LRRC28: variants seen among roughly 807,000 people sequenced by gnomAD.
LRRC28 encodes the protein leucine-rich repeat-containing protein 28.
In LRRC28, 39 loss-of-function variants were observed where a neutral mutation model predicts 45.7. The ratio of observed to expected loss-of-function variants is 0.85; its 90% CI spans 0.66 to 1.12. The LOEUF is 1.12. Among genes scored for constraint, LRRC28 ranks in the 50% most tolerant of loss-of-function variants. The pLI is 0.00. For missense variants in LRRC28, 435 were observed against 438.5 expected, an observed-to-expected ratio of 0.99 and a Z score of 0.07; for synonymous variants, 206 against 178.8, an observed-to-expected ratio of 1.15 and a Z score of -1.22.
chr15:99,290,942 T>A (rs1408100176), intron 5 of LRRC28, among the ~76,000 whole-genome samples: 2 of 152,192 alleles, frequency 1.3e-5, no homozygotes, highest in Non-Finnish European at 2.9e-5. Context: ...CACTCCAGCC[T>A]GGACAGCGGA....
intron 2 of LRRC28, among the ~76,000 whole-genome samples, chr15:99,268,956 T>C (rs1343984315): frequency 6.6e-6 from 1 of 152,240 alleles, no homozygotes; most frequent in Non-Finnish European, 1.5e-5. Context: ...GATAAACACT[T>C]CAAGAGGCAT....
At chr15:99,348,629 G>A (rs1019925875) in intron 6 of LRRC28, among the ~76,000 whole-genome samples, 30 of 151,892 alleles carry the variant, frequency 2.0e-4, no homozygotes, top group Non-Finnish European at 7.4e-5. Flanking sequence ...TTTTTATGCC[G>A]CATCATAGTG....
At chr15:99,284,037 A>T (rs2081887522) in intron 3 of LRRC28, among the ~76,000 whole-genome samples, 1 of 152,264 alleles carries the variant, frequency 6.6e-6, no homozygotes, top group South Asian at 2.1e-4. Flanking sequence ...TAGTCCCTGC[A>T]ACATCACAGA....
intron 5 of LRRC28, among the ~76,000 whole-genome samples, chr15:99,330,788 TC>T (rs1197267899): frequency 6.6e-6 from 1 of 152,138 alleles, no homozygotes; most frequent in Non-Finnish European, 1.5e-5. Context: ...TGTATTTTTT[TC>T]CCCATACCTC....
intron 3 of LRRC28, among the ~76,000 whole-genome samples, chr15:99,283,594 C>T (rs368996892): frequency 1.9e-4 from 23 of 123,518 alleles, no homozygotes; most frequent in African/African-American, 4.1e-4. Context: ...CTAGCCTGGA[C>T]GACAGAGGGA....
chr15:99,287,954 A>G lies in LRRC28; in HGVS notation c.385+3A>G, dbSNP rs2082002776. On this transcript the variant is annotated splice_donor_region_variant and intron_variant, in intron 5 of 9. Transcript: ENST00000301981. Reference sequence around the variant, plus strand: ...CCAACTGCAATTCCTACCTCCAGGTAATCATAGTCTCTAGCACACTATAGT... The same window carrying G: ...CCAACTGCAATTCCTACCTCCAGGTGATCATAGTCTCTAGCACACTATAGT... 1.9e-6 allele frequency: 3 copies of G among 1,613,068 alleles called. No homozygotes were observed. The highest frequency in any genetic ancestry group is 2.5e-6 in the Non-Finnish European group (3 of 1,179,516).
intron 2 of LRRC28, among the ~76,000 whole-genome samples, chr15:99,273,513 A>G (rs1367504936): frequency 6.6e-6 from 1 of 152,060 alleles, no homozygotes; most frequent in Non-Finnish European, 1.5e-5. Context: ...CTGAGATTAC[A>G]GGCGTGAGCC....
intron 6 of LRRC28, among the ~76,000 whole-genome samples, chr15:99,344,718 G>C (rs1230928640): frequency 6.6e-6 from 1 of 152,172 alleles, no homozygotes; most frequent in Non-Finnish European, 1.5e-5. Context: ...GTAAGAAGTA[G>C]CAAGTGTCAG....
chr15:99,390,229 T>G lies in LRRC28; in HGVS notation c.*4127T>G, dbSNP rs981663562. 2 of 152,244 alleles carry G rather than the reference T, an allele frequency of 1.3e-5. No individual in the cohort carries two copies. Among genetic ancestry groups the G allele is most frequent in the Non-Finnish European group, 2.9e-5 (2 of 68,062 alleles). 9.4% of individuals were successfully genotyped at this position (152,244 alleles called of 1,614,324 possible). A position where few individuals can be genotyped will look rare whatever the true frequency, so the allele number is the denominator to read the frequency against. On this transcript the variant is annotated 3_prime_UTR_variant, in exon 10 of 10. Transcript: ENST00000301981. ...GTGTCTCTAGGAAAGGAATTGATCA[T>G]AGCCAAGTGACTGACATTCTCTCGG...
chr15:99,300,209 GAT>G (rs2082361567), intron 5 of LRRC28, among the ~76,000 whole-genome samples: 1 of 151,774 alleles, frequency 6.6e-6, no homozygotes, highest in Non-Finnish European at 1.5e-5. Flanking sequence ...TCTTAAATGA[GAT>G]AGTTTTTACT....
rs1307865109 is a variant in LRRC28 at position 99,386,295 on chromosome 15, G to A, written c.*193G>A. ...GGAATATATCCTCCCCCAAATTAAG[G>A]ACCCATTTGTCTTCTGTGTTTTTCC... On this transcript the variant is annotated 3_prime_UTR_variant, in exon 10 of 10. Transcript: ENST00000301981. 3.8e-6 allele frequency: 2 copies of A among 520,956 alleles called. No homozygotes were observed. Among genetic ancestry groups the A allele is most frequent in the Non-Finnish European group, 6.8e-6 (2 of 293,170 alleles). 32.3% of individuals were successfully genotyped at this position (520,956 alleles called of 1,614,324 possible).
rs2081083516 is a variant in LRRC28, at chr15:99,258,236, G to A, written c.168+2111G>A. ...CAGTTTCTATTCCATCTTCCTTGTA[G>A]CAGATAAGGTTATTGTCACTTCAAA... On this transcript the variant is annotated intron_variant, in intron 2 of 9. Transcript: ENST00000301981. The A allele has an allele frequency of 2.4e-5, 39 of 1,597,270 alleles. No individual in the cohort carries two copies. In the South Asian group the frequency reaches 4.2e-4, roughly 17 times the overall value.
intron 9 of LRRC28, among the ~76,000 whole-genome samples, chr15:99,375,406 A>G (rs537495240): frequency 4.5e-4 from 69 of 152,296 alleles, no homozygotes; most frequent in Admixed American, 2.1e-3. Context: ...TTTGTTCATG[A>G]AAGATACTGG....
chr15:99,291,306 T>C (rs1435050925), intron 5 of LRRC28, among the ~76,000 whole-genome samples: 3 of 152,248 alleles, frequency 2.0e-5, no homozygotes, highest in South Asian at 2.1e-4. Flanking sequence ...TTAATAGTTA[T>C]ACATTTTGGA....
At chr15:99,367,349 A>G (rs1957367194) in intron 9 of LRRC28, among the ~76,000 whole-genome samples, 1 of 152,198 alleles carries the variant, frequency 6.6e-6, no homozygotes, top group Admixed American at 6.5e-5. Context: ...ATGCTTTTGG[A>G]GCCTGGGAAG....
At chr15:99,313,404 GA>G (rs1567653406) in intron 5 of LRRC28, among the ~76,000 whole-genome samples, 1 of 151,960 alleles carries the variant, frequency 6.6e-6, no homozygotes, top group Non-Finnish European at 1.5e-5. Flanking sequence ...TAGAAAACTT[GA>G]ACAATTTTGT....
intron 5 of LRRC28, among the ~76,000 whole-genome samples, chr15:99,290,608 A>T (rs2082096382): frequency 6.6e-6 from 1 of 152,184 alleles, no homozygotes; most frequent in Admixed American, 6.5e-5. Flanking sequence ...CATGAATATA[A>T]TGCTGTATTT....
intron 6 of LRRC28, chr15:99,337,711 A>G (rs1956371525): frequency 6.6e-6 from 1 of 152,258 alleles, no homozygotes; most frequent in Non-Finnish European, 1.5e-5. Context: ...GCCTTATGGC[A>G]GTTGAAGTAA....
intron 5 of LRRC28, among the ~76,000 whole-genome samples, chr15:99,309,337 A>G (rs750641686): frequency 1.3e-5 from 2 of 152,182 alleles, no homozygotes; most frequent in Non-Finnish European, 1.5e-5. Flanking sequence ...GCCTTTCTGA[A>G]TTCTACCCCA....
Sources: allele counts gnomAD v4.1 joint callset (sites outside exome capture counted in the v4.1 genomes callset), GRCh38; gene constraint gnomAD v4.1.1; transcripts MANE v1.5; gene names NCBI Gene and HGNC (gene_info 2026-07-23, HGNC 2026-07-21).